AFG2B: variants seen among roughly 807,000 people sequenced by gnomAD.
AFG2B encodes AAA ATPase AFG2B.
At chr15:45,404,144 G>C in the AFG2B span, among the ~76,000 whole-genome samples, 1 of 152,110 alleles carries the variant, frequency 6.6e-6, no homozygotes, top group African/African-American at 2.4e-5. Context: ...CTAAAGAACA[G>C]TTTGAAATTT....
At chr15:45,411,615 C>T in the AFG2B span, among the ~76,000 whole-genome samples, 5 of 152,130 alleles carry the variant, frequency 3.3e-5, no homozygotes, top group Non-Finnish European at 5.9e-5. Context: ...CCATGCCTGG[C>T]CTACAAAAAA....
the AFG2B span, chr15:45,415,960 T>A: frequency 2.0e-6 from 1 of 507,840 alleles, no homozygotes; most frequent in South Asian, 4.1e-5. Context: ...TAATAAAAAT[T>A]GTGATTTGGC....
chr15:45,414,739 T>C, the AFG2B span: 2 of 1,614,156 alleles, frequency 1.2e-6, no homozygotes, highest in Non-Finnish European at 1.7e-6. Flanking sequence ...AGCTGATCTG[T>C]TTTCACCGTT....
chr15:45,411,480 G>T, the AFG2B span, among the ~76,000 whole-genome samples: 14 of 152,066 alleles, frequency 9.2e-5, no homozygotes, highest in Non-Finnish European at 2.1e-4. Flanking sequence ...ACCACGCCTG[G>T]CTAATTTTTA....
the AFG2B span, among the ~76,000 whole-genome samples, chr15:45,420,000 A>ACCCCC: frequency 1.8e-5 from 1 of 54,398 alleles, no homozygotes; most frequent in African/African-American, 1.9e-4. Flanking sequence ...CCCCCCCCAA[A>ACCCCC]AAAAAAAAAA....
chr15:45,404,304 C>T, the AFG2B span, among the ~76,000 whole-genome samples: 4 of 152,132 alleles, frequency 2.6e-5, no homozygotes, highest in Non-Finnish European at 4.4e-5. Flanking sequence ...CTATCTATAC[C>T]TGGCTTCTAG....
chr15:45,417,359 G>A, the AFG2B span: 1 of 1,614,062 alleles, frequency 6.2e-7, no homozygotes, highest in Non-Finnish European at 8.5e-7. Flanking sequence ...CGACCTGGAA[G>A]ATTAGATAAG....
the AFG2B span, among the ~76,000 whole-genome samples, chr15:45,411,223 T>C: frequency 6.6e-6 from 1 of 152,106 alleles, no homozygotes; most frequent in Non-Finnish European, 1.5e-5. Flanking sequence ...GTATAACCTA[T>C]AGTCTTAGCA....
At chr15:45,410,930 A>G in the AFG2B span, among the ~76,000 whole-genome samples, 2 of 152,160 alleles carry the variant, frequency 1.3e-5, no homozygotes, top group East Asian at 3.8e-4. Context: ...GGCTGGGCGC[A>G]GTGGCTCATA....
At chr15:45,404,636 G>C in the AFG2B span, among the ~76,000 whole-genome samples, 1 of 151,662 alleles carries the variant, frequency 6.6e-6, no homozygotes, top group African/African-American at 2.4e-5. Context: ...GTGAAACCCC[G>C]TCTCTGCTAA....
At chr15:45,408,580 G>C in the AFG2B span, among the ~76,000 whole-genome samples, 1 of 152,252 alleles carries the variant, frequency 6.6e-6, no homozygotes, top group Non-Finnish European at 1.5e-5. Context: ...TAGAGGCACA[G>C]AGTGTACATT....
the AFG2B span, chr15:45,415,535 A>C: frequency 6.9e-7 from 1 of 1,449,262 alleles, no homozygotes; most frequent in Non-Finnish European, 9.5e-7. Flanking sequence ...TAGTAATATC[A>C]CATGACTAAT....
chr15:45,409,104 G>A, the AFG2B span, among the ~76,000 whole-genome samples: 3 of 152,066 alleles, frequency 2.0e-5, no homozygotes, highest in African/African-American at 4.8e-5. Context: ...GGCCACGTGC[G>A]GTGGCTCACA....
At chr15:45,413,151 A>G in the AFG2B span, among the ~76,000 whole-genome samples, 1 of 152,174 alleles carries the variant, frequency 6.6e-6, no homozygotes, top group Non-Finnish European at 1.5e-5. Flanking sequence ...GCTTTGAGAC[A>G]TTAAGCTTTT....
At chr15:45,403,148 C>T in the AFG2B span, 1 of 1,456,460 alleles carries the variant, frequency 6.9e-7, no homozygotes, top group Non-Finnish European at 9.0e-7. Context: ...GTGCTCCTGG[C>T]GGGGCCCCCC....
chr15:45,417,373 A>C, the AFG2B span: 3 of 1,614,062 alleles, frequency 1.9e-6, no homozygotes, highest in Non-Finnish European at 2.5e-6. Flanking sequence ...AGATAAGATC[A>C]TCTATATCCC....
chr15:45,413,553 T>C, the AFG2B span, among the ~76,000 whole-genome samples: 1 of 152,200 alleles, frequency 6.6e-6, no homozygotes, highest in Non-Finnish European at 1.5e-5. Flanking sequence ...ATGTTTCAAA[T>C]ATCCATCCCT....
chr15:45,405,243 C>A, the AFG2B span: 1 of 1,375,984 alleles, frequency 7.3e-7, no homozygotes, highest in Non-Finnish European at 9.8e-7. Flanking sequence ...TACCTCCATC[C>A]ATGAGATCAA....
At chr15:45,404,831 AAAATAT>A in the AFG2B span, among the ~76,000 whole-genome samples, 2 of 151,450 alleles carry the variant, frequency 1.3e-5, no homozygotes, top group South Asian at 4.2e-4. Context: ...AAAGAAAAAA[AAAATAT>A]ATATATGTAT....
Sources: gnomAD v4.1 joint callset for allele counts (sites outside exome capture counted in the v4.1 genomes callset) on GRCh38, gnomAD v4.1.1 for gene constraint, MANE v1.5 for transcripts, NCBI Gene and HGNC (gene_info 2026-07-23, HGNC 2026-07-21) for gene names.